GRID1: variants seen among roughly 807,000 people sequenced by gnomAD.
GRID1 encodes the protein glutamate receptor ionotropic, delta-1.
GRID1 carries 28 observed loss-of-function variants against 98.0 expected under a neutral mutation model. That is an observed-to-expected ratio of 0.29 (90% CI 0.21 to 0.39). The LOEUF is 0.39. Ranked by LOEUF, GRID1 falls within the 10% of genes least tolerant of loss-of-function variation. The pLI, the probability that GRID1 is intolerant of heterozygous loss-of-function variation, is 1.00. For synonymous variants in GRID1, 553 were observed against 538.5 expected, an observed-to-expected ratio of 1.03 and a Z score of -0.37; for missense variants, 1,111 against 1,340.5, an observed-to-expected ratio of 0.83 and a Z score of 2.67.
chr10:86,084,306 T>A (rs1844019323), intron 4 of GRID1, among the ~76,000 whole-genome samples: 3 of 147,504 alleles, frequency 2.0e-5, no homozygotes, highest in Admixed American at 6.8e-5. Context: ...ATGGCTACTA[T>A]CAAAAGAAAG....
chr10:86,107,919 A>T (rs938009129), intron 4 of GRID1, among the ~76,000 whole-genome samples: 4 of 152,186 alleles, frequency 2.6e-5, no homozygotes, highest in Non-Finnish European at 5.9e-5. Context: ...CTCCCACTCA[A>T]TAAAACCTTG....
intron 4 of GRID1, among the ~76,000 whole-genome samples, chr10:86,065,613 C>A (rs929440409): frequency 6.6e-6 from 1 of 152,236 alleles, no homozygotes; most frequent in Admixed American, 6.5e-5. Flanking sequence ...TCCCTAGCAC[C>A]TAACACAAAG....
At chr10:86,087,248 G>T (rs1844073371) in intron 4 of GRID1, among the ~76,000 whole-genome samples, 1 of 151,868 alleles carries the variant, frequency 6.6e-6, no homozygotes, top group African/African-American at 2.4e-5. Flanking sequence ...GTGTCTGTCG[G>T]GGGAGCTCTT....
chr10:86,094,387 G>A (rs886067329), intron 4 of GRID1, among the ~76,000 whole-genome samples: 5 of 152,104 alleles, frequency 3.3e-5, no homozygotes, highest in South Asian at 2.1e-4. Flanking sequence ...CATCCAAATC[G>A]GTCAAGAGGA....
At chr10:85,944,107 AC>A (rs1476621673) in intron 4 of GRID1, among the ~76,000 whole-genome samples, 2 of 152,222 alleles carry the variant, frequency 1.3e-5, no homozygotes, top group African/African-American at 2.4e-5. Context: ...ACTGGCAACC[AC>A]AGGGCCACCT....
chr10:86,178,644 C>A (rs531364756), intron 3 of GRID1, among the ~76,000 whole-genome samples: 4 of 151,704 alleles, frequency 2.6e-5, no homozygotes, highest in East Asian at 2.0e-4. Flanking sequence ...CAGAGAACTA[C>A]GGTCTCCTTA....
At chr10:86,099,813 A>G (rs1473648713) in intron 4 of GRID1, among the ~76,000 whole-genome samples, 1 of 152,156 alleles carries the variant, frequency 6.6e-6, no homozygotes, top group Non-Finnish European at 1.5e-5. Context: ...TGGGGTCTCC[A>G]TGCACAGGGG....
At chr10:86,201,173 C>T (rs1845945655) in intron 3 of GRID1, among the ~76,000 whole-genome samples, 1 of 152,082 alleles carries the variant, frequency 6.6e-6, no homozygotes, top group Admixed American at 6.5e-5. Context: ...ACACAAATGC[C>T]CACAGACAAT....
chr10:85,810,687 C>G (rs1247552612), intron 8 of GRID1, among the ~76,000 whole-genome samples: 1 of 152,166 alleles, frequency 6.6e-6, no homozygotes, highest in African/African-American at 2.4e-5. Flanking sequence ...CCTAAGCTCC[C>G]AAGCATCTGC....
intron 4 of GRID1, among the ~76,000 whole-genome samples, chr10:86,091,752 A>T (rs1458108952): frequency 3.3e-5 from 5 of 152,064 alleles, no homozygotes; most frequent in Admixed American, 3.3e-4. Context: ...TGCCACCTCC[A>T]CCAGAACAGT....
At chr10:85,879,271 C>G (rs931418925) in intron 5 of GRID1, among the ~76,000 whole-genome samples, 1 of 152,098 alleles carries the variant, frequency 6.6e-6, no homozygotes, top group Non-Finnish European at 1.5e-5. Context: ...CCAAGTGGAC[C>G]TAATAGACAT....
intron 5 of GRID1, among the ~76,000 whole-genome samples, chr10:85,915,565 G>A (rs1317219226): frequency 6.6e-6 from 1 of 150,706 alleles, no homozygotes; most frequent in Non-Finnish European, 1.5e-5. Context: ...GCACATACCT[G>A]TCACACACTC....
chr10:85,972,028 C>A (rs1341853138), intron 4 of GRID1, among the ~76,000 whole-genome samples: 1 of 152,122 alleles, frequency 6.6e-6, no homozygotes, highest in Admixed American at 6.5e-5. Context: ...AAATGAGAAT[C>A]AACCCCTAAC....
chr10:86,128,392 C>T (rs1419841663), intron 4 of GRID1, among the ~76,000 whole-genome samples: 1 of 152,164 alleles, frequency 6.6e-6, no homozygotes, highest in Non-Finnish European at 1.5e-5. Context: ...TACCTCCCTC[C>T]AGTTCTTTTC....
chr10:85,908,996 C>T (rs1295115300), intron 5 of GRID1, among the ~76,000 whole-genome samples: 1 of 152,056 alleles, frequency 6.6e-6, no homozygotes, highest in East Asian at 1.9e-4. Context: ...AAAAGATAAG[C>T]CACAGGCTGG....
intron 12 of GRID1, among the ~76,000 whole-genome samples, chr10:85,692,372 A>G (rs1841342668): frequency 6.6e-6 from 1 of 152,162 alleles, no homozygotes; most frequent in South Asian, 2.1e-4. Context: ...GATAGAAACA[A>G]AAGGAGAGGA....
chr10:85,788,285 G>A (rs1465860377), intron 8 of GRID1, among the ~76,000 whole-genome samples: 1 of 152,110 alleles, frequency 6.6e-6, no homozygotes, highest in African/African-American at 2.4e-5. Context: ...GAGGCGCAGT[G>A]AGCCTGGCCA....
chr10:85,972,927 A>G (rs1294220217), intron 4 of GRID1, among the ~76,000 whole-genome samples: 1 of 152,180 alleles, frequency 6.6e-6, no homozygotes, highest in African/African-American at 2.4e-5. Flanking sequence ...TCTATAATAG[A>G]TATAATAGAT....
In GRID1 at chr10:85,778,015, T is replaced by A. The variant is rs138955945; in HGVS notation, c.1234-48401A>T. Among the ~76,000 whole-genome samples the A allele has an allele frequency of 6.6e-5, 10 of 152,116 alleles. No homozygotes were observed. The East Asian group carries it at 1.2e-3, about 18-fold the overall frequency. On this transcript the variant is annotated intron_variant, in intron 8 of 15. Coordinates refer to ENST00000327946, the MANE Select transcript of GRID1 (RefSeq NM_017551.3). The stretch of plus-strand genomic sequence containing the variant: ...TTAACAATTCTTGGGCATCTTGGTG[T>A]CAGGTTCTGTTGTCCATGGGATCTG...
Sources: gnomAD v4.1 joint callset for allele counts (sites outside exome capture counted in the v4.1 genomes callset) on GRCh38, gnomAD v4.1.1 for gene constraint, MANE v1.5 for transcripts, NCBI Gene and HGNC (gene_info 2026-07-23, HGNC 2026-07-21) for gene names.